TMEM132D: variants seen among roughly 807,000 people sequenced by gnomAD.
TMEM132D encodes the protein transmembrane protein 132D.
TMEM132D carries 21 observed loss-of-function variants against 62.3 expected under a neutral mutation model. The observed-to-expected ratio is 0.34, with a 90% CI of 0.24 to 0.49. The LOEUF is 0.49. Among genes scored for constraint, TMEM132D ranks in the 20% least tolerant of loss-of-function variants. TMEM132D has a pLI of 0.99. For synonymous variants in TMEM132D, 621 were observed against 575.6 expected (o/e 1.08, Z -1.13); for missense variants, 1,346 against 1,402.8 (o/e 0.96, Z 0.65).
At chr12:129,154,177 A>G (rs1323977470) in intron 5 of TMEM132D, among the ~76,000 whole-genome samples, 7 of 152,130 alleles carry the variant, frequency 4.6e-5, no homozygotes, top group African/African-American at 7.2e-5. Context: ...AGGGGAGTGA[A>G]TGTGAGGTGG....
intron 5 of TMEM132D, among the ~76,000 whole-genome samples, chr12:129,176,073 G>A (rs1286748394): frequency 6.6e-6 from 1 of 152,166 alleles, no homozygotes; most frequent in Non-Finnish European, 1.5e-5. Context: ...AGCCACTGAG[G>A]GGGCTTATGT....
intron 3 of TMEM132D, among the ~76,000 whole-genome samples, chr12:129,433,229 G>A (rs1872709697): frequency 2.0e-5 from 3 of 152,096 alleles, no homozygotes; most frequent in Non-Finnish European, 4.4e-5. Flanking sequence ...TCTTGCCCAT[G>A]TCTTTGGTAA....
chr12:129,276,032 G>GGTTTGTTT (rs72253809), intron 4 of TMEM132D, among the ~76,000 whole-genome samples: 126 of 151,264 alleles, frequency 8.3e-4, no homozygotes, highest in Admixed American at 2.5e-3. Flanking sequence ...TGGATGCACA[G>GGTTTGTTT]GTTTGTTTGT....
intron 2 of TMEM132D, among the ~76,000 whole-genome samples, chr12:129,666,004 A>G (rs1880368120): frequency 6.6e-6 from 1 of 152,182 alleles, no homozygotes; most frequent in African/African-American, 2.4e-5. Context: ...TTAAACTGAA[A>G]CCACCTAAAT....
chr12:129,309,569 C>T (rs1483938321), intron 4 of TMEM132D, among the ~76,000 whole-genome samples: 1 of 152,146 alleles, frequency 6.6e-6, no homozygotes, highest in African/African-American at 2.4e-5. Context: ...ACAGTCCCAT[C>T]TCACCAGAAC....
At chr12:129,244,217 C>T (rs1183819573) in intron 4 of TMEM132D, among the ~76,000 whole-genome samples, 1 of 107,268 alleles carries the variant, frequency 9.3e-6, no homozygotes, top group East Asian at 2.3e-4. Context: ...AACCCCGTCT[C>T]TACTAAAAAT....
chr12:129,128,162 G>A (rs1403140303), intron 5 of TMEM132D, among the ~76,000 whole-genome samples: 1 of 152,184 alleles, frequency 6.6e-6, no homozygotes, highest in Admixed American at 6.5e-5. Flanking sequence ...CCTGGAGTAG[G>A]GGAGACAAGA....
chr12:129,136,671 A>G (rs7956319), intron 5 of TMEM132D, among the ~76,000 whole-genome samples: 103,092 of 151,612 alleles, frequency 0.68, 35,916 homozygotes, highest in Non-Finnish European at 0.76. Context: ...CATCAGTACC[A>G]TCATCACTGC....
intron 2 of TMEM132D, among the ~76,000 whole-genome samples, chr12:129,610,973 G>A (rs1878760133): frequency 1.3e-5 from 2 of 152,136 alleles, no homozygotes; most frequent in South Asian, 4.1e-4. Flanking sequence ...ACCTAGATCA[G>A]GCAGAACCAT....
At chr12:129,837,697 C>A (rs1873050441) in intron 1 of TMEM132D, among the ~76,000 whole-genome samples, 3 of 152,146 alleles carry the variant, frequency 2.0e-5, no homozygotes, top group Admixed American at 2.0e-4. Flanking sequence ...ACATTTTTAA[C>A]CCAAAACGTA....
chr12:129,267,358 G>A (rs1247479580), intron 4 of TMEM132D, among the ~76,000 whole-genome samples: 1 of 152,092 alleles, frequency 6.6e-6, no homozygotes, highest in East Asian at 1.9e-4. Context: ...AAATCAATGT[G>A]CGAAAATCAC....
intron 5 of TMEM132D, among the ~76,000 whole-genome samples, chr12:129,098,093 G>A (rs2135633387): frequency 6.6e-6 from 1 of 152,246 alleles, no homozygotes; most frequent in East Asian, 1.9e-4. Context: ...TTTTTGTGAG[G>A]ACACAACCCA....
chr12:129,402,443 AG>A (rs1257183472), intron 3 of TMEM132D, among the ~76,000 whole-genome samples: 3 of 152,192 alleles, frequency 2.0e-5, no homozygotes, highest in Non-Finnish European at 4.4e-5. Flanking sequence ...AAAGGTGTCC[AG>A]TGAGGGATGG....
intron 3 of TMEM132D, among the ~76,000 whole-genome samples, chr12:129,509,114 C>T (rs1389863785): frequency 1.3e-5 from 2 of 152,166 alleles, no homozygotes; most frequent in African/African-American, 2.4e-5. Context: ...AATGCCTCAG[C>T]TTGCTGTGCA....
At chr12:129,770,962 C>T (rs1262747921) in intron 1 of TMEM132D, among the ~76,000 whole-genome samples, 1 of 152,174 alleles carries the variant, frequency 6.6e-6, no homozygotes, top group Non-Finnish European at 1.5e-5. Flanking sequence ...GTTAAATACT[C>T]GTATCTCACT....
intron 2 of TMEM132D, among the ~76,000 whole-genome samples, chr12:129,619,006 C>A (rs1179064949): frequency 6.6e-6 from 1 of 152,168 alleles, no homozygotes; most frequent in Middle Eastern, 3.2e-3. Context: ...AAAGGAATAA[C>A]TGGGTTGAGA....
At chr12:129,426,784 A>C (rs1213902561) in intron 3 of TMEM132D, among the ~76,000 whole-genome samples, 1 of 152,226 alleles carries the variant, frequency 6.6e-6, no homozygotes, top group Non-Finnish European at 1.5e-5. Flanking sequence ...CAAAGAGGAA[A>C]ACCGAGGCAC....
intron 1 of TMEM132D, among the ~76,000 whole-genome samples, chr12:129,858,677 C>G (rs1484575082): frequency 9.1e-5 from 3 of 32,864 alleles, no homozygotes; most frequent in African/African-American, 3.3e-4. Flanking sequence ...GATGGGTGCC[C>G]TTGTAACAGA....
At chr12:129,288,404 C>A (rs915066287) in intron 4 of TMEM132D, among the ~76,000 whole-genome samples, 1 of 152,260 alleles carries the variant, frequency 6.6e-6, no homozygotes, top group African/African-American at 2.4e-5. Context: ...ACGACAACAA[C>A]AACAAACCAC....
Sources: allele counts gnomAD v4.1 joint callset (sites outside exome capture counted in the v4.1 genomes callset), GRCh38; gene constraint gnomAD v4.1.1; transcripts MANE v1.5; gene names NCBI Gene and HGNC (gene_info 2026-07-23, HGNC 2026-07-21).